Variants in SMC1B observed in about 807,000 individuals in gnomAD.
SMC1B encodes structural maintenance of chromosomes 1B, also known as structural maintenance of chromosomes protein 1B.
A neutral mutation model predicts 157.9 loss-of-function variants in SMC1B; 60 were observed. The ratio of observed to expected loss-of-function variants is 0.38; its 90% CI spans 0.31 to 0.47. SMC1B has a LOEUF of 0.47. Ranked by LOEUF, SMC1B falls within the 20% of genes least tolerant of loss-of-function variation. The pLI is 0.99. For synonymous variants in SMC1B, 445 were observed against 483.0 expected (o/e 0.92, Z 1.03); for missense variants, 1,165 against 1,426.2 (o/e 0.82, Z 2.95).
chr22:45,348,897 TCTC>T (rs1302000095), intron 23 of SMC1B, among the ~76,000 whole-genome samples: 1 of 151,968 alleles, frequency 6.6e-6, no homozygotes, highest in Non-Finnish European at 1.5e-5. Flanking sequence ...AGGGACAAGG[TCTC>T]CTTATGTTGC....
intron 11 of SMC1B, among the ~76,000 whole-genome samples, chr22:45,384,581 G>A (rs577841155): frequency 5.3e-4 from 80 of 152,092 alleles, no homozygotes; most frequent in African/African-American, 1.7e-3. Flanking sequence ...TTAGCCAGGC[G>A]TGGTGGTGGG....
At chr22:45,349,655 C>T (rs2146755436) in intron 23 of SMC1B, 73 bp downstream of exon 23, 1 of 1,377,598 alleles carries the variant, frequency 7.3e-7, no homozygotes, top group Non-Finnish European at 1.0e-6. Context: ...TTTTAATGAG[C>T]ATTTTCCATT....
At chr22:45,348,546 G>C (rs576714623) in intron 23 of SMC1B, among the ~76,000 whole-genome samples, 1 of 152,204 alleles carries the variant, frequency 6.6e-6, no homozygotes, top group Non-Finnish European at 1.5e-5. Context: ...CCAATATCTA[G>C]ATTTGGTGAG....
chr22:45,402,792 T>G (rs1179433688), intron 4 of SMC1B, among the ~76,000 whole-genome samples: 2 of 152,230 alleles, frequency 1.3e-5, no homozygotes, highest in African/African-American at 4.8e-5. Context: ...CTCAGTGGTA[T>G]GATGATGAGA....
At chr22:45,372,534 T>G (rs1040379091) in intron 12 of SMC1B, among the ~76,000 whole-genome samples, 13 of 152,088 alleles carry the variant, frequency 8.5e-5, no homozygotes, top group Non-Finnish European at 1.3e-4. Flanking sequence ...GAATGGAAAA[T>G]GAAGAGGGGT....
chr22:45,359,922 A>C lies in SMC1B; in HGVS notation c.2745T>G (p.Ile915Met). 6.2e-7 allele frequency: 1 copy of C among 1,614,010 alleles called. No homozygotes were observed. The highest frequency in any genetic ancestry group is 8.5e-7 in the Non-Finnish European group (1 of 1,179,942). Residue 915 changes from isoleucine (I) to methionine (M), a missense_variant, in exon 18 of 25, where the codon ATT becomes ATG. Ile to Met is a conservative substitution (Grantham distance 10). Transcript: ENST00000357450. ...VGKLQKEVVSIQTSLEQKRLE... is the reference protein window; with the variant it reads ...VGKLQKEVVSMQTSLEQKRLE... ...ATCGTTTCTGTTCCAGAGAAGTTTG[A>C]ATACTTACAACTTCTTTTTGCAATT...
chr22:45,361,760 C>A, intron 17 of SMC1B, 79 bp downstream of exon 17: 1 of 1,352,384 alleles, frequency 7.4e-7, no homozygotes, highest in South Asian at 1.3e-5. Flanking sequence ...AAATGCAACT[C>A]ATTTCATACA....
At chr22:45,353,264 A>G (rs1442353540) in intron 21 of SMC1B, among the ~76,000 whole-genome samples, 2 of 120,502 alleles carry the variant, frequency 1.7e-5, no homozygotes, top group Admixed American at 9.5e-5. Flanking sequence ...TCTGTCTCAA[A>G]AAAAAAAAAA....
At chr22:45,363,055 T>C (rs1413003292) in intron 15 of SMC1B, 29 bp from the exon 16 acceptor site, 4 of 1,485,210 alleles carry the variant, frequency 2.7e-6, no homozygotes, top group Non-Finnish European at 3.6e-6. Context: ...GCATTACAAG[T>C]GTAAACAGAA....
chr22:45,356,415 ATC>A (rs1027255982), intron 19 of SMC1B, among the ~76,000 whole-genome samples: 2 of 152,244 alleles, frequency 1.3e-5, no homozygotes, highest in Non-Finnish European at 2.9e-5. Context: ...ACCAAAGAGT[ATC>A]TGAGACAGGT....
At chr22:45,383,665 T>C (rs1275636211) in intron 11 of SMC1B, 52 bp from the exon 12 acceptor site, 4 of 1,461,746 alleles carry the variant, frequency 2.7e-6, no homozygotes, top group Non-Finnish European at 3.7e-6. Context: ...AAGATACAAA[T>C]AAAGACACAA....
At chr22:45,346,738 G>A (rs1162020544) in intron 23 of SMC1B, among the ~76,000 whole-genome samples, 1 of 152,180 alleles carries the variant, frequency 6.6e-6, no homozygotes, top group African/African-American at 2.4e-5. Context: ...GGAAAAGAAG[G>A]GGAGATAGGA....
intron 14 of SMC1B, 63 bp downstream of exon 14, chr22:45,371,408 C>T (rs2086829790): frequency 1.4e-6 from 2 of 1,462,286 alleles, no homozygotes; most frequent in South Asian, 1.5e-5. Flanking sequence ...TTAAGAAGCC[C>T]TAAATCTAGT....
chr22:45,377,907 G>A (rs977335335), intron 12 of SMC1B, among the ~76,000 whole-genome samples: 1 of 151,646 alleles, frequency 6.6e-6, no homozygotes, highest in Non-Finnish European at 1.5e-5. Context: ...AAAGTGCAGT[G>A]GCATAATCAC....
intron 4 of SMC1B, among the ~76,000 whole-genome samples, chr22:45,405,445 G>A (rs550044864): frequency 4.6e-5 from 7 of 152,042 alleles, no homozygotes; most frequent in East Asian, 3.9e-4. Flanking sequence ...CCAGCTACTC[G>A]GGAGGCTGAG....
In SMC1B at chr22:45,358,679, C is replaced by A. The variant is rs371122019; in HGVS notation, c.2961+18G>T. The A allele has an allele frequency of 6.8e-5, 100 of 1,466,022 alleles. No homozygotes were observed. Among genetic ancestry groups the A allele is most frequent in the Non-Finnish European group, 9.2e-5 (97 of 1,053,934 alleles). 90.8% of individuals were successfully genotyped at this position (1,466,022 alleles called of 1,614,324 possible). On this transcript the variant is annotated intron_variant, in intron 19 of 24. Transcript: ENST00000357450. ...CCGTATTACTGTGAGTGATAAACAA[C>A]AGAAAGCTTTCCATTACCTTCAAAT...
intron 1 of SMC1B, among the ~76,000 whole-genome samples, chr22:45,412,886 A>G (rs2087361928): frequency 6.6e-6 from 1 of 152,160 alleles, no homozygotes; most frequent in African/African-American, 2.4e-5. Flanking sequence ...GGCTGCTTGG[A>G]ACCCATTACC....
chr22:45,344,779 T>G, intron 24 of SMC1B, 122 bp from the exon 25 acceptor site: 1 of 597,800 alleles, frequency 1.7e-6, no homozygotes, highest in South Asian at 2.2e-5. Flanking sequence ...TAGTAAGATA[T>G]CTGCATTTAT....
At chr22:45,410,924 A>G (rs567264731) in intron 1 of SMC1B, among the ~76,000 whole-genome samples, 12 of 152,246 alleles carry the variant, frequency 7.9e-5, no homozygotes, top group Non-Finnish European at 1.5e-4. Flanking sequence ...TAATCTGCAC[A>G]TTGAGGGCTA....
Sources: gnomAD v4.1 joint callset for allele counts (sites outside exome capture counted in the v4.1 genomes callset) on GRCh38, gnomAD v4.1.1 for gene constraint, MANE v1.5 for transcripts, NCBI Gene and HGNC (gene_info 2026-07-23, HGNC 2026-07-21) for gene names.